Variants in RBFOX1 observed in about 807,000 individuals in gnomAD.
RBFOX1 encodes RNA binding fox-1 homolog 1.
A neutral mutation model predicts 57.7 loss-of-function variants in RBFOX1; 8 were observed. That is an observed-to-expected ratio of 0.14 (90% CI 0.08 to 0.25). The LOEUF (loss-of-function observed/expected upper bound fraction) is 0.25, where lower values mean the gene tolerates loss of function less well. Ranked by LOEUF, RBFOX1 falls within the 10% of genes least tolerant of loss-of-function variation. RBFOX1 has a pLI of 1.00. For missense variants in RBFOX1, 611 were observed against 548.5 expected (o/e 1.11, Z -1.14); for synonymous variants, 326 against 222.4 (o/e 1.47, Z -4.15).
At chr16:7,524,440 G>C (rs910697169) in intron 5 of RBFOX1, among the ~76,000 whole-genome samples, 1 of 152,130 alleles carries the variant, frequency 6.6e-6, no homozygotes, top group African/African-American at 2.4e-5. Context: ...TGCTGACAGA[G>C]CCAATACTGT....
intron 4 of RBFOX1, among the ~76,000 whole-genome samples, chr16:7,163,926 C>G (rs1398697569): frequency 6.6e-6 from 1 of 152,126 alleles, no homozygotes; most frequent in Non-Finnish European, 1.5e-5. Context: ...TCCCAAAGTA[C>G]TGGGATTACA....
intron 4 of RBFOX1, among the ~76,000 whole-genome samples, chr16:5,942,177 C>T (rs1002832200): frequency 4.6e-5 from 7 of 152,214 alleles, no homozygotes; most frequent in South Asian, 2.1e-4. Context: ...TACATATAGA[C>T]GCAGCTAAAT....
intron 10 of RBFOX1, among the ~76,000 whole-genome samples, chr16:7,621,264 AT>A (rs994199628): frequency 4.4e-4 from 65 of 149,266 alleles, no homozygotes; most frequent in Middle Eastern, 7.0e-3. Context: ...AACTTTTTGA[AT>A]TTTTTTTTTT....
intron 3 of RBFOX1, among the ~76,000 whole-genome samples, chr16:6,772,474 TGTGTATGTG>T (rs1473205101): frequency 6.6e-6 from 1 of 151,236 alleles, no homozygotes; most frequent in Non-Finnish European, 1.5e-5. Flanking sequence ...TGCATTTGTA[TGTGTATGTG>T]TGGGTATGGG....
intron 3 of RBFOX1, among the ~76,000 whole-genome samples, chr16:6,797,784 A>C (rs866062360): frequency 6.6e-6 from 1 of 152,162 alleles, no homozygotes; most frequent in Non-Finnish European, 1.5e-5. Context: ...TAAAAATCCA[A>C]TATCATTTGG....
intron 3 of RBFOX1, among the ~76,000 whole-genome samples, chr16:5,743,061 A>G (rs985934815): frequency 6.6e-6 from 1 of 152,150 alleles, no homozygotes; most frequent in Admixed American, 6.5e-5. Context: ...TTTTTCTCCA[A>G]GTGCTTTTCT....
At chr16:7,114,531 GA>G (rs1377801537) in intron 4 of RBFOX1, among the ~76,000 whole-genome samples, 2 of 152,192 alleles carry the variant, frequency 1.3e-5, no homozygotes, top group Non-Finnish European at 2.9e-5. Context: ...GGTTCCAAAT[GA>G]AAGTGACACC....
chr16:5,348,084 C>T (rs535452119), intron 1 of RBFOX1, among the ~76,000 whole-genome samples: 1 of 140,336 alleles, frequency 7.1e-6, no homozygotes, highest in East Asian at 2.5e-4. Context: ...ACCACTCACT[C>T]ACCCACTGTT....
chr16:7,386,614 TC>T (rs1196239880), intron 4 of RBFOX1, among the ~76,000 whole-genome samples: 1 of 152,118 alleles, frequency 6.6e-6, no homozygotes, highest in Non-Finnish European at 1.5e-5. Flanking sequence ...TTTTCTTTAT[TC>T]AGTCTTTATC....
intron 1 of RBFOX1, among the ~76,000 whole-genome samples, chr16:6,187,273 T>C (rs2097111327): frequency 6.6e-6 from 1 of 152,052 alleles, no homozygotes; most frequent in Non-Finnish European, 1.5e-5. Context: ...TGACGATCGA[T>C]GTTTTCTTGG....
chr16:6,544,926 A>G (rs924146885), intron 2 of RBFOX1, among the ~76,000 whole-genome samples: 1 of 152,158 alleles, frequency 6.6e-6, no homozygotes, highest in African/African-American at 2.4e-5. Context: ...ATTATTAGTT[A>G]AGAGTTTATT....
At chr16:6,224,410 T>A (rs540967946) in intron 1 of RBFOX1, among the ~76,000 whole-genome samples, 28 of 152,124 alleles carry the variant, frequency 1.8e-4, no homozygotes, top group Admixed American at 5.9e-4. Flanking sequence ...CTTGAAGAGG[T>A]CCTTCATGTC....
rs114548630 is a variant in RBFOX1, at chr16:7,616,901, T to G, written c.676+9563T>G. On this transcript the variant is annotated intron_variant, in intron 10 of 15. Coordinates refer to ENST00000550418, the MANE Select transcript of RBFOX1 (RefSeq NM_018723.4). ...TTTATCTCCCAGGAGCTGGCCAAAGTCCAATCCTAAGGACAAGCTGTTGTG... is the reference window on the plus strand; with the variant it reads ...TTTATCTCCCAGGAGCTGGCCAAAGGCCAATCCTAAGGACAAGCTGTTGTG... 2.2e-3 allele frequency among the ~76,000 whole-genome samples: 337 copies of G among 151,748 alleles called. 1 individual carries two copies. Among genetic ancestry groups the G allele is most frequent in the African/African-American group, 7.8e-3 (321 of 41,364 alleles).
chr16:5,369,947 A>T (rs2065816454), intron 1 of RBFOX1, among the ~76,000 whole-genome samples: 1 of 152,170 alleles, frequency 6.6e-6, no homozygotes, highest in Non-Finnish European at 1.5e-5. Flanking sequence ...TGATGGGGTC[A>T]TGGGGAGGCA....
At chr16:5,515,776 A>C (rs1272684678) in intron 2 of RBFOX1, among the ~76,000 whole-genome samples, 2 of 152,190 alleles carry the variant, frequency 1.3e-5, no homozygotes, top group African/African-American at 4.8e-5. Flanking sequence ...GCCTCTTGAA[A>C]AGTACCATGC....
chr16:5,717,343 C>A (rs997374342), intron 3 of RBFOX1, among the ~76,000 whole-genome samples: 3 of 151,626 alleles, frequency 2.0e-5, no homozygotes, highest in Non-Finnish European at 2.9e-5. Flanking sequence ...TTTCTTAATA[C>A]AGATTTAAAA....
intron 2 of RBFOX1, among the ~76,000 whole-genome samples, chr16:5,570,878 A>G (rs1289670253): frequency 6.6e-6 from 1 of 151,772 alleles, no homozygotes; most frequent in Admixed American, 6.6e-5. Context: ...GATTACACTT[A>G]TTAAGTTACT....
At chr16:6,772,820 T>G (rs377084362) in intron 3 of RBFOX1, among the ~76,000 whole-genome samples, 2 of 149,250 alleles carry the variant, frequency 1.3e-5, no homozygotes, top group East Asian at 4.1e-4. Context: ...GGGGTGCATT[T>G]GTGTGTATGT....
At chr16:6,986,263 T>C (rs903472796) in intron 3 of RBFOX1, among the ~76,000 whole-genome samples, 3 of 151,880 alleles carry the variant, frequency 2.0e-5, no homozygotes, top group Admixed American at 6.6e-5. Flanking sequence ...TGCAATGGCA[T>C]GATCTTGGCT....
Sources: allele counts gnomAD v4.1 joint callset (sites outside exome capture counted in the v4.1 genomes callset), GRCh38; gene constraint gnomAD v4.1.1; transcripts MANE v1.5; gene names NCBI Gene and HGNC (gene_info 2026-07-23, HGNC 2026-07-21).